Variants in TNRC18 observed in about 807,000 individuals in gnomAD.
TNRC18 encodes the protein trinucleotide repeat containing 18.
A neutral mutation model predicts 226.7 loss-of-function variants in TNRC18; 69 were observed. That is an observed-to-expected ratio of 0.30 (90% CI 0.25 to 0.37). The LOEUF (loss-of-function observed/expected upper bound fraction) is 0.37, where lower values mean the gene tolerates loss of function less well. Among genes scored for constraint, TNRC18 ranks in the 10% least tolerant of loss-of-function variants. The pLI, the probability that TNRC18 is intolerant of heterozygous loss-of-function variation, is 1.00. For synonymous variants in TNRC18, 2,449 were observed against 1,927.6 expected, an observed-to-expected ratio of 1.27 and a Z score of -7.09; for missense variants, 4,754 against 4,256.6, an observed-to-expected ratio of 1.12 and a Z score of -3.25.
chr7:5,401,804 G>C (rs922380075), intron 2 of TNRC18, among the ~76,000 whole-genome samples: 4 of 152,312 alleles, frequency 2.6e-5, no homozygotes. Flanking sequence ...ATTTACGGTA[G>C]GAACTGGGCA....
chr7:5,395,046 C>A (rs570195409), intron 2 of TNRC18, among the ~76,000 whole-genome samples: 13 of 152,256 alleles, frequency 8.5e-5, no homozygotes, highest in African/African-American at 2.6e-4. Context: ...GCTCTGCAGG[C>A]CCAGAGAGGA....
In TNRC18 at chr7:5,315,097, C is replaced by T. The variant is rs766604342; in HGVS notation, c.6914G>A (p.Arg2305Gln). The change falls in exon 26 of 30, where the codon CGG becomes CAG. Residue 2305 changes from arginine to glutamine, a missense_variant. Arg to Gln is a conservative substitution (Grantham distance 43). Coordinates refer to ENST00000430969, the MANE Select transcript of TNRC18 (RefSeq NM_001080495.3). ...CTCCCCAGTGTCTTTGCTGGTCTTC[C>T]GGCTGCGGCGCTTGGCACTTGGCAC... ...LLVPSAKRRS[R>Q]KTSKDTGEGK... The T allele has an allele frequency of 3.2e-5, 52 of 1,612,758 alleles. No homozygotes were observed. Among genetic ancestry groups the T allele is most frequent in the Non-Finnish European group, 4.2e-5 (50 of 1,179,638 alleles).
At chr7:5,325,039 C>T in intron 20 of TNRC18, 57 bp downstream of exon 20, 1 of 1,539,342 alleles carries the variant, frequency 6.5e-7, no homozygotes. Flanking sequence ...CCTGCCCTGA[C>T]CACAGGAGCA....
chr7:5,384,213 C>A (rs568545970), intron 5 of TNRC18, among the ~76,000 whole-genome samples: 1 of 152,158 alleles, frequency 6.6e-6, no homozygotes, highest in East Asian at 1.9e-4. Context: ...GGTGATCCAC[C>A]CGCCTCGGTC....
In TNRC18 at chr7:5,313,773, T is replaced by C. The variant is rs761430548; in HGVS notation, c.7118A>G (p.Lys2373Arg). Residue 2373 changes from lysine (K) to arginine (R), a missense_variant, in exon 27 of 30, where the codon AAG (lysine) becomes AGG (arginine). Lys to Arg is a conservative substitution (Grantham distance 26). Coordinates refer to ENST00000430969, the MANE Select transcript of TNRC18 (RefSeq NM_001080495.3). ...ALEPSSTPGS[K>R]KSPPEPVDKR... ...GTCCACAGGCTCTGGGGGGCTCTTC[T>C]TGGAACCTGGGGTGCTGCTCGGCTC... 3 of 1,547,010 alleles carry C rather than the reference T, an allele frequency of 1.9e-6. No individual in the cohort carries two copies. Among genetic ancestry groups the C allele is most frequent in the African/African-American group, 2.7e-5 (2 of 72,738 alleles).
intron 5 of TNRC18, among the ~76,000 whole-genome samples, chr7:5,382,494 CCT>C (rs1168753715): frequency 5.3e-5 from 8 of 152,312 alleles, no homozygotes; most frequent in South Asian, 4.1e-4. Context: ...CCCTTCCTGG[CCT>C]CTCTCTGAGC....
chr7:5,411,820 G>A (rs914692558), intron 2 of TNRC18, among the ~76,000 whole-genome samples: 1 of 152,166 alleles, frequency 6.6e-6, no homozygotes, highest in East Asian at 1.9e-4. Flanking sequence ...GAAAATTCCA[G>A]GAAGGAAATC....
intron 21 of TNRC18, among the ~76,000 whole-genome samples, chr7:5,323,486 T>C (rs1438486974): frequency 2.0e-5 from 3 of 148,652 alleles, no homozygotes; most frequent in Non-Finnish European, 4.4e-5. Flanking sequence ...TACAACCCAC[T>C]CTCGCCTGGA....
At position 5,374,457 on chromosome 7, in the gene TNRC18, G is replaced by A. The variant is rs1403804580; in HGVS notation, c.2827C>T (p.Arg943Trp). The A allele has an allele frequency of 8.4e-6, 13 of 1,546,498 alleles. No individual in the cohort carries two copies. The highest frequency in any genetic ancestry group is 6.0e-5 in the South Asian group (5 of 84,002). The change falls in exon 10 of 30, where the codon CGG becomes TGG. Residue 943 changes from arginine to tryptophan, a missense_variant. Physicochemically the swap from Arg to Trp is moderately radical, Grantham distance 101. Transcript: ENST00000430969. ...CTCCCCTTCTCTTCCATCTCCGCCC[G>A]GTGCTCCTGCGCCTTCAACCGCTCC... ...VQERLKAQEH[R>W]AEMEEKGSKR...
chr7:5,383,480 G>A (rs985768345), intron 5 of TNRC18, among the ~76,000 whole-genome samples: 3 of 152,196 alleles, frequency 2.0e-5, no homozygotes, highest in Non-Finnish European at 4.4e-5. Context: ...CAGATGAGCC[G>A]CCCCCAGAGG....
At chr7:5,366,017 G>C (rs560456824) in intron 11 of TNRC18, among the ~76,000 whole-genome samples, 1 of 152,138 alleles carries the variant, frequency 6.6e-6, no homozygotes, top group Non-Finnish European at 1.5e-5. Context: ...ACTGCGGTGA[G>C]CCGAAAACCA....
intron 24 of TNRC18, among the ~76,000 whole-genome samples, chr7:5,317,133 C>T (rs946966282): frequency 3.3e-5 from 5 of 152,124 alleles, no homozygotes; most frequent in African/African-American, 7.2e-5. Context: ...CCTTCCTGCC[C>T]ACCCGCTATG....
intron 18 of TNRC18, among the ~76,000 whole-genome samples, chr7:5,345,188 C>G (rs1339872344): frequency 2.0e-5 from 3 of 152,196 alleles, no homozygotes; most frequent in Non-Finnish European, 4.4e-5. Context: ...CGGGTAACCC[C>G]ACGTCTCTCT....
chr7:5,419,404 TG>T (rs879869995), intron 2 of TNRC18, among the ~76,000 whole-genome samples: 301 of 151,744 alleles, frequency 2.0e-3, no homozygotes, highest in East Asian at 6.4e-3. Context: ...TTCCCAGGCT[TG>T]GGGGGGGCCC....
At chr7:5,311,731 C>A (rs1039894470) in intron 27 of TNRC18, among the ~76,000 whole-genome samples, 4 of 151,808 alleles carry the variant, frequency 2.6e-5, no homozygotes, top group African/African-American at 7.3e-5. Context: ...GGCGGGAAAA[C>A]TGCTTGGGCC....
intron 21 of TNRC18, among the ~76,000 whole-genome samples, chr7:5,323,430 A>G (rs1407610925): frequency 7.0e-6 from 1 of 143,130 alleles, no homozygotes; most frequent in East Asian, 2.1e-4. Context: ...TAATGTGTGC[A>G]CCCTGCCCCG....
chr7:5,348,432 C>T (rs1018041488), intron 17 of TNRC18, among the ~76,000 whole-genome samples: 1 of 152,118 alleles, frequency 6.6e-6, no homozygotes, highest in Non-Finnish European at 1.5e-5. Context: ...GATAGACAGA[C>T]GGGGAAGACG....
rs762200444 is a variant in TNRC18 at position 5,313,493 on chromosome 7, G to A, written c.7398C>T (p.His2466=). 52 of 1,613,158 alleles carry A rather than the reference G, an allele frequency of 3.2e-5. No homozygotes were observed. The highest frequency in any genetic ancestry group is 2.1e-4 in the South Asian group (19 of 91,052). The change falls in exon 27 of 30, where the codon CAC becomes CAT. Residue 2466 remains histidine, a synonymous_variant. Coordinates refer to ENST00000430969, the MANE Select transcript of TNRC18 (RefSeq NM_001080495.3). Reference sequence around the variant, plus strand: ...TGCTTTTGGGTGACGTGACACCCTCGTGGTCCAGTTTGACAAGCAGCTCGG... The same window carrying A: ...TGCTTTTGGGTGACGTGACACCCTCATGGTCCAGTTTGACAAGCAGCTCGG... ...EEAELLVKLD[H]EGVTSPKSKK...
In TNRC18 at chr7:5,351,846, C is replaced by T. The variant is rs775350368; in HGVS notation, c.5443G>A (p.Asp1815Asn). 6.9e-6 allele frequency: 11 copies of T among 1,603,608 alleles called. 1 individual carries two copies. The South Asian group carries it at 7.8e-5, about 11-fold the overall frequency. ...REAEARSSFS[D>N]SSEESFDQDE... The stretch of plus-strand genomic sequence containing the variant: ...TGGTCAAACGATTCCTCCGAAGAGT[C>T]GCTGAAGGAGGAACGCGCCTCGGCC... The change falls in exon 17 of 30, where the codon GAC becomes AAC. Residue 1815 changes from aspartate to asparagine, a missense_variant. By Grantham distance (23) the Asp-to-Asn change is conservative (BLOSUM62 1). Coordinates refer to ENST00000430969, the MANE Select transcript of TNRC18 (RefSeq NM_001080495.3).
Sources: allele counts gnomAD v4.1 joint callset (sites outside exome capture counted in the v4.1 genomes callset), GRCh38; gene constraint gnomAD v4.1.1; transcripts MANE v1.5; gene names NCBI Gene and HGNC (gene_info 2026-07-23, HGNC 2026-07-21).